Variants in GTF2F2 observed in about 807,000 individuals in gnomAD.
The protein encoded by GTF2F2 is general transcription factor IIF subunit 2.
A neutral mutation model predicts 42.2 loss-of-function variants in GTF2F2; 23 were observed. The observed-to-expected ratio is 0.55, with a 90% CI of 0.39 to 0.77. The LOEUF (loss-of-function observed/expected upper bound fraction) is 0.77. Ranked by LOEUF, GTF2F2 falls within the 30% of genes least tolerant of loss-of-function variation. The pLI is 0.00. For missense variants in GTF2F2, 261 were observed against 287.2 expected, an observed-to-expected ratio of 0.91 and a Z score of 0.66; for synonymous variants, 105 against 100.8, an observed-to-expected ratio of 1.04 and a Z score of -0.25.
rs192773560 is a variant in GTF2F2, at chr13:45,188,114, C to T, written c.305-19310C>T. Among the ~76,000 whole-genome samples the T allele has an allele frequency of 2.0e-4, 30 of 152,274 alleles. No homozygotes were observed. In the South Asian group the frequency reaches 3.5e-3, roughly 18 times the overall value. ...AGAGACAGGGTTTCACCATGTTGGT[C>T]GTGCTGGTCTTGAACTCCTGACCTC... On this transcript the variant is annotated intron_variant, in intron 4 of 7. Transcript: ENST00000340473.
chr13:45,180,418 T>C (rs1872093657), intron 4 of GTF2F2, among the ~76,000 whole-genome samples: 1 of 152,172 alleles, frequency 6.6e-6, no homozygotes. Flanking sequence ...TAGACAGTTA[T>C]AATTTTGTCA....
At chr13:45,240,948 G>A (rs1316299575) in intron 5 of GTF2F2, among the ~76,000 whole-genome samples, 2 of 150,674 alleles carry the variant, frequency 1.3e-5, no homozygotes, top group Non-Finnish European at 3.0e-5. Flanking sequence ...GAGACCAGCT[G>A]GGCAACATGG....
intron 7 of GTF2F2, among the ~76,000 whole-genome samples, chr13:45,279,489 G>C (rs1373554703): frequency 6.6e-6 from 1 of 152,052 alleles, no homozygotes; most frequent in East Asian, 1.9e-4. Context: ...TATTTTTATG[G>C]ACCTTCTTAG....
intron 6 of GTF2F2, among the ~76,000 whole-genome samples, chr13:45,259,922 C>A (rs1485563167): frequency 6.6e-6 from 1 of 152,034 alleles, no homozygotes; most frequent in African/African-American, 2.4e-5. Context: ...ATTAATATTT[C>A]TTTTCTTTGT....
At chr13:45,195,920 T>C (rs918635828) in intron 4 of GTF2F2, among the ~76,000 whole-genome samples, 1 of 152,128 alleles carries the variant, frequency 6.6e-6, no homozygotes, top group Non-Finnish European at 1.5e-5. Flanking sequence ...CCTCCCAGAG[T>C]GCTGGGATTA....
At chr13:45,191,924 CTGTTCAGCT>C (rs1872675276) in intron 4 of GTF2F2, among the ~76,000 whole-genome samples, 1 of 152,086 alleles carries the variant, frequency 6.6e-6, no homozygotes, top group Non-Finnish European at 1.5e-5. Flanking sequence ...CTAAGGAGAT[CTGTTCAGCT>C]ATATCTCCTG....
At chr13:45,221,681 G>A (rs928753604) in intron 5 of GTF2F2, among the ~76,000 whole-genome samples, 8 of 151,978 alleles carry the variant, frequency 5.3e-5, no homozygotes, top group African/African-American at 1.9e-4. Context: ...ATCCCTCACA[G>A]GTCAGACTCA....
intron 3 of GTF2F2, among the ~76,000 whole-genome samples, 188 bp downstream of exon 3, chr13:45,149,976 A>G (rs1870403912): frequency 6.6e-6 from 1 of 152,220 alleles, no homozygotes. Context: ...GTTCATTCTC[A>G]GCATTTTTCT....
intron 4 of GTF2F2, among the ~76,000 whole-genome samples, chr13:45,201,330 C>T (rs1056083083): frequency 1.3e-5 from 2 of 152,090 alleles, no homozygotes; most frequent in African/African-American, 2.4e-5. Flanking sequence ...TCTTTCTATT[C>T]AAAGAAAATT....
chr13:45,130,969 A>G (rs1055150794), intron 1 of GTF2F2, among the ~76,000 whole-genome samples: 3 of 152,164 alleles, frequency 2.0e-5, no homozygotes, highest in African/African-American at 4.8e-5. Context: ...GAGAGTATAC[A>G]GGGCTGGGCA....
intron 2 of GTF2F2, among the ~76,000 whole-genome samples, chr13:45,142,276 C>T (rs143865967): frequency 0.012 from 1,815 of 151,056 alleles, 29 homozygotes; most frequent in African/African-American, 0.037. Flanking sequence ...AAGCAATTCT[C>T]GTGCCTCAGC....
chr13:45,133,859 A>C (rs1434768403), intron 1 of GTF2F2, among the ~76,000 whole-genome samples: 4 of 152,170 alleles, frequency 2.6e-5, no homozygotes, highest in African/African-American at 9.7e-5. Flanking sequence ...TTCTGGGCCC[A>C]GTCTTTGGAT....
chr13:45,221,403 A>G (rs1874107476), intron 5 of GTF2F2, among the ~76,000 whole-genome samples: 1 of 152,204 alleles, frequency 6.6e-6, no homozygotes, highest in African/African-American at 2.4e-5. Flanking sequence ...AAATGAAAAT[A>G]TGGGGCCTTT....
At chr13:45,140,681 G>GT (rs1056771106) in intron 2 of GTF2F2, among the ~76,000 whole-genome samples, 9 of 151,886 alleles carry the variant, frequency 5.9e-5, no homozygotes, top group Non-Finnish European at 8.8e-5. Context: ...AAATGTACAG[G>GT]TTTTTTTTCC....
intron 1 of GTF2F2, among the ~76,000 whole-genome samples, chr13:45,132,908 T>C (rs1415475415): frequency 1.3e-5 from 2 of 152,184 alleles, no homozygotes; most frequent in African/African-American, 4.8e-5. Flanking sequence ...TAGGGAGATG[T>C]AGTTAAGTTG....
At chr13:45,276,098 G>T (rs559190959) in intron 7 of GTF2F2, among the ~76,000 whole-genome samples, 94 of 152,254 alleles carry the variant, frequency 6.2e-4, no homozygotes, top group African/African-American at 2.2e-3. Flanking sequence ...AAAAGTTTGT[G>T]TATGTTCAGT....
intron 5 of GTF2F2, among the ~76,000 whole-genome samples, chr13:45,244,085 C>T (rs1875463510): frequency 6.6e-6 from 1 of 152,086 alleles, no homozygotes; most frequent in Non-Finnish European, 1.5e-5. Context: ...ATGGTTATGT[C>T]GCAATGACTT....
At chr13:45,131,651 ATC>A (rs1192169134) in intron 1 of GTF2F2, among the ~76,000 whole-genome samples, 1 of 152,062 alleles carries the variant, frequency 6.6e-6, no homozygotes, top group Non-Finnish European at 1.5e-5. Flanking sequence ...CATGCCTGTA[ATC>A]CCAGCACCTT....
chr13:45,130,687 A>G (rs1179350199), intron 1 of GTF2F2, among the ~76,000 whole-genome samples: 1 of 152,192 alleles, frequency 6.6e-6, no homozygotes, highest in African/African-American at 2.4e-5. Context: ...GATGACTCCA[A>G]GGTTTCAGCC....
Sources: allele counts gnomAD v4.1 joint callset (sites outside exome capture counted in the v4.1 genomes callset), GRCh38; gene constraint gnomAD v4.1.1; transcripts MANE v1.5; gene names NCBI Gene and HGNC (gene_info 2026-07-23, HGNC 2026-07-21).